PRR16: variants seen among roughly 807,000 people sequenced by gnomAD.
PRR16 encodes proline rich 16.
In PRR16, 6 loss-of-function variants were observed where a neutral mutation model predicts 18.2. The observed-to-expected ratio is 0.33, with a 90% CI of 0.18 to 0.65. The LOEUF (loss-of-function observed/expected upper bound fraction) is 0.65. PRR16 is among the 30% of genes least tolerant of loss of function. PRR16 has a pLI of 0.74. For synonymous variants in PRR16, 151 were observed against 147.8 expected (o/e 1.02, Z -0.16); for missense variants, 412 against 376.6 (o/e 1.09, Z -0.78).
chr5:120,632,272 T>C (rs143785137), intron 1 of PRR16, among the ~76,000 whole-genome samples: 1 of 151,990 alleles, frequency 6.6e-6, no homozygotes, highest in Admixed American at 6.6e-5. Context: ...TCTACCCAAA[T>C]GAGAAAGAAC....
the PRR16 span, among the ~76,000 whole-genome samples, chr5:120,711,207 C>A: frequency 6.6e-6 from 1 of 152,132 alleles, no homozygotes; most frequent in African/African-American, 2.4e-5. Context: ...TCCCCTTTGC[C>A]ATATAACAGC....
chr5:120,531,437 A>T (rs1042760274), intron 1 of PRR16: 13 of 152,114 alleles, frequency 8.5e-5, no homozygotes, highest in African/African-American at 3.1e-4. Flanking sequence ...TTGTGACCTA[A>T]ATGCAGGATG....
intron 1 of PRR16, among the ~76,000 whole-genome samples, chr5:120,637,780 A>T (rs906304395): frequency 6.6e-6 from 1 of 152,128 alleles, no homozygotes; most frequent in South Asian, 2.1e-4. Context: ...ACTTGCAGTG[A>T]GCTGCATTCA....
intron 1 of PRR16, among the ~76,000 whole-genome samples, chr5:120,670,128 G>T (rs893368134): frequency 6.6e-6 from 1 of 152,028 alleles, no homozygotes; most frequent in African/African-American, 2.4e-5. Context: ...AATGGGATTG[G>T]TTTTACAGTT....
rs181838330 is a variant in PRR16, at chr5:120,495,582, A to G, written c.159+30937A>G. Among the ~76,000 whole-genome samples, 3 of 152,180 alleles carry G rather than the reference A, an allele frequency of 2.0e-5. No individual in the cohort carries two copies. In the East Asian group the frequency reaches 5.8e-4, roughly 29 times the overall value. On this transcript the variant is annotated intron_variant, in intron 1 of 1. Transcript: ENST00000407149. ...CTTTGTGGAATTTCTTTCCATAAATATTTTCCATTCACAGTTGGATGAATC... is the reference window on the plus strand; with the variant it reads ...CTTTGTGGAATTTCTTTCCATAAATGTTTTCCATTCACAGTTGGATGAATC...
chr5:120,756,048 A>G, the PRR16 span, among the ~76,000 whole-genome samples: 1 of 152,100 alleles, frequency 6.6e-6, no homozygotes, highest in South Asian at 2.1e-4. Flanking sequence ...GTGGAAGGTG[A>G]CCAGTCAGAG....
Position 120,497,668 on chromosome 5 carries a change from C to T in PRR16, c.159+33023C>T, listed in dbSNP as rs531285883. Among the ~76,000 whole-genome samples, 3 of 151,980 alleles carry T rather than the reference C, an allele frequency of 2.0e-5. No homozygotes were observed. The East Asian group carries it at 5.8e-4, about 29-fold the overall frequency. The stretch of plus-strand genomic sequence containing the variant: ...CTTCCCAAAGTCCTGGGATTACAGG[C>T]GTGAGCCACAGCTCCCGGCTGAATT... On this transcript the variant is annotated intron_variant, in intron 1 of 1. Transcript: ENST00000407149.
chr5:120,534,481 T>G (rs1751651621), intron 1 of PRR16, among the ~76,000 whole-genome samples: 1 of 152,232 alleles, frequency 6.6e-6, no homozygotes, highest in Admixed American at 6.5e-5. Flanking sequence ...TACACTCTAC[T>G]GCACCTGAAG....
intron 1 of PRR16, among the ~76,000 whole-genome samples, chr5:120,677,873 G>A (rs1043428904): frequency 1.3e-5 from 2 of 150,152 alleles, no homozygotes; most frequent in African/African-American, 2.4e-5. Flanking sequence ...AGTTGTTTTG[G>A]AATTGGACTA....
chr5:120,781,376 A>G, the PRR16 span: 1 of 152,198 alleles, frequency 6.6e-6, no homozygotes, highest in Non-Finnish European at 1.5e-5. Flanking sequence ...TTTTTATGCT[A>G]CTTTTGATGA....
the PRR16 span, among the ~76,000 whole-genome samples, chr5:120,714,957 G>T: frequency 5.9e-5 from 9 of 152,010 alleles, no homozygotes; most frequent in Non-Finnish European, 1.3e-4. Context: ...ATGGACACAG[G>T]GAGGAGAACA....
At chr5:120,669,147 G>T (rs1312214822) in intron 1 of PRR16, among the ~76,000 whole-genome samples, 4 of 152,110 alleles carry the variant, frequency 2.6e-5, no homozygotes, top group Non-Finnish European at 5.9e-5. Flanking sequence ...AACTGTGTGT[G>T]TGCTGATGAA....
At chr5:120,655,692 C>T (rs1755946250) in intron 1 of PRR16, among the ~76,000 whole-genome samples, 1 of 149,834 alleles carries the variant, frequency 6.7e-6, no homozygotes, top group African/African-American at 2.4e-5. Context: ...TCACATGACT[C>T]ATGGTAATGT....
chr5:120,491,458 CCTTTCCTTTCCTTTCCTTTCCTTT>C (rs1750041433), intron 1 of PRR16, among the ~76,000 whole-genome samples: 3 of 97,640 alleles, frequency 3.1e-5, no homozygotes, highest in Non-Finnish European at 6.4e-5. Flanking sequence ...CCTTTCCTTT[CCTTTCCTTTCCTTTCCTTTCCTTT>C]CTTCCTTCCT....
chr5:120,481,287 C>T lies in PRR16; in HGVS notation c.159+16642C>T, dbSNP rs552732199. 1.2e-4 allele frequency: 54 copies of T among 450,192 alleles called. 1 individual carries two copies. The highest frequency in any genetic ancestry group is 7.1e-4 in the South Asian group (45 of 63,686). 27.9% of individuals were successfully genotyped at this position (450,192 alleles called of 1,614,324 possible). A position where few individuals can be genotyped will look rare whatever the true frequency, so the allele number is the denominator to read the frequency against. On this transcript the variant is annotated intron_variant, in intron 1 of 1. Transcript: ENST00000407149. ...CTCAGCCTGCCTCAGTGCGCCACTA[C>T]GCCTGGGTAAGTTTTGTATTTTTAG...
At chr5:120,770,390 A>G in the PRR16 span, among the ~76,000 whole-genome samples, 1 of 151,988 alleles carries the variant, frequency 6.6e-6, no homozygotes, top group African/African-American at 2.4e-5. Flanking sequence ...AGGCAACTGG[A>G]CCCTTGCCTT....
At chr5:120,718,222 G>A in the PRR16 span, among the ~76,000 whole-genome samples, 1 of 152,010 alleles carries the variant, frequency 6.6e-6, no homozygotes, top group East Asian at 1.9e-4. Context: ...TACCATTTCT[G>A]TGGCCCTACT....
chr5:120,744,007 C>G, the PRR16 span, among the ~76,000 whole-genome samples: 1 of 151,900 alleles, frequency 6.6e-6, no homozygotes, highest in South Asian at 2.1e-4. Flanking sequence ...TCATCTCTTT[C>G]TGTTGTTTTA....
At chr5:120,494,571 T>G (rs28803298) in intron 1 of PRR16, among the ~76,000 whole-genome samples, 2,646 of 152,248 alleles carry the variant, frequency 0.017, 78 homozygotes, top group African/African-American at 0.06. Context: ...TTGTCTTTTC[T>G]CCCTCTTCAC....
Sources: allele counts gnomAD v4.1 joint callset (sites outside exome capture counted in the v4.1 genomes callset), GRCh38; gene constraint gnomAD v4.1.1; transcripts MANE v1.5; gene names NCBI Gene and HGNC (gene_info 2026-07-23, HGNC 2026-07-21).